Variants in AK5 observed in about 807,000 individuals in gnomAD.
The protein encoded by AK5 is adenylate kinase 5, also known as adenylate kinase isoenzyme 5.
In AK5, 27 loss-of-function variants were observed where a neutral mutation model predicts 69.5. The observed-to-expected ratio is 0.39, with a 90% CI of 0.29 to 0.54. The LOEUF (loss-of-function observed/expected upper bound fraction) is 0.54, where lower values mean the gene tolerates loss of function less well. Among genes scored for constraint, AK5 ranks in the 20% least tolerant of loss-of-function variants. The pLI is 0.71. For synonymous variants in AK5, 260 were observed against 244.4 expected (o/e 1.06, Z -0.60); for missense variants, 531 against 700.4 (o/e 0.76, Z 2.73).
rs529625301 is a variant in AK5 at position 77,379,633 on chromosome 1, TTAGG to T, written c.892-31343_892-31340del. Among the ~76,000 whole-genome samples the T allele has an allele frequency of 2.6e-5, 4 of 152,298 alleles. No homozygotes were observed. In the East Asian group the frequency reaches 7.7e-4, roughly 29 times the overall value. ...CTTAATTAGTTACTTTCTTAACATC[TTAGG>T]TAGGAATTTGGGCTTAAGCAGGGCA... On this transcript the variant is annotated intron_variant, in intron 6 of 13. Transcript: ENST00000354567.
intron 8 of AK5, among the ~76,000 whole-genome samples, chr1:77,431,385 A>G (rs1056331004): frequency 2.0e-5 from 3 of 152,184 alleles, no homozygotes; most frequent in African/African-American, 7.2e-5. Flanking sequence ...TATAGGCGCT[A>G]TACTGAGTGT....
intron 5 of AK5, among the ~76,000 whole-genome samples, chr1:77,307,985 A>G (rs552204912): frequency 6.6e-6 from 1 of 152,286 alleles, no homozygotes; most frequent in African/African-American, 2.4e-5. Flanking sequence ...CTATTCTGAC[A>G]TCTTGCTCCG....
intron 10 of AK5, among the ~76,000 whole-genome samples, chr1:77,503,159 A>G (rs895051285): frequency 1.3e-5 from 2 of 152,204 alleles, no homozygotes; most frequent in Middle Eastern, 3.2e-3. Flanking sequence ...TTTTCACCAA[A>G]GATAAAAATT....
intron 5 of AK5, 26 bp downstream of exon 5, chr1:77,297,973 A>G: frequency 1.3e-6 from 2 of 1,517,488 alleles, no homozygotes; most frequent in Non-Finnish European, 1.8e-6. Flanking sequence ...TATATTTTAA[A>G]TGAACTACTT....
intron 1 of AK5, chr1:77,282,597 G>A (rs1658123460): frequency 7.6e-7 from 1 of 1,323,152 alleles, no homozygotes; most frequent in South Asian, 2.1e-5. Flanking sequence ...CACAGATCAA[G>A]TTTCAGTCTT....
intron 8 of AK5, among the ~76,000 whole-genome samples, chr1:77,430,970 T>G (rs1451556114): frequency 6.6e-6 from 1 of 152,158 alleles, no homozygotes; most frequent in African/African-American, 2.4e-5. Flanking sequence ...AAAGTCTATC[T>G]GAATGTGGTA....
intron 11 of AK5, among the ~76,000 whole-genome samples, chr1:77,520,008 C>T (rs1033983371): frequency 1.3e-5 from 2 of 152,046 alleles, no homozygotes; most frequent in African/African-American, 4.8e-5. Flanking sequence ...TTGAGACCAG[C>T]CTGGCCAACA....
intron 5 of AK5, among the ~76,000 whole-genome samples, chr1:77,319,016 C>CA (rs1660387707): frequency 6.6e-6 from 1 of 152,020 alleles, no homozygotes; most frequent in Non-Finnish European, 1.5e-5. Context: ...GGACAAACAA[C>CA]AAAAGATAGT....
At chr1:77,523,023 T>A (rs994846369) in intron 12 of AK5, among the ~76,000 whole-genome samples, 2 of 152,190 alleles carry the variant, frequency 1.3e-5, no homozygotes, top group Non-Finnish European at 2.9e-5. Context: ...AAGTGCCAAC[T>A]GCTAGCAGGA....
At chr1:77,326,405 A>T (rs1660806975) in intron 5 of AK5, among the ~76,000 whole-genome samples, 3 of 151,942 alleles carry the variant, frequency 2.0e-5, no homozygotes, top group Non-Finnish European at 4.4e-5. Context: ...ACTTATTCCT[A>T]AAAAAAAGAT....
intron 8 of AK5, among the ~76,000 whole-genome samples, chr1:77,467,592 A>T (rs1048151508): frequency 6.6e-6 from 1 of 152,180 alleles, no homozygotes; most frequent in Admixed American, 6.5e-5. Context: ...AATATATACT[A>T]ATGTGTCAAA....
chr1:77,294,126 T>C (rs1012343740), intron 3 of AK5, among the ~76,000 whole-genome samples, 166 bp downstream of exon 3: 8 of 152,224 alleles, frequency 5.3e-5, no homozygotes, highest in Admixed American at 5.2e-4. Context: ...TAAGTTTCAA[T>C]AAAATAGAAA....
At chr1:77,347,440 G>T (rs1265507328) in intron 6 of AK5, among the ~76,000 whole-genome samples, 1 of 152,184 alleles carries the variant, frequency 6.6e-6, no homozygotes, top group Non-Finnish European at 1.5e-5. Context: ...GAAAAGTCCT[G>T]TTGCTTCCCT....
intron 8 of AK5, among the ~76,000 whole-genome samples, chr1:77,450,175 G>A (rs371726395): frequency 2.0e-5 from 3 of 152,208 alleles, no homozygotes; most frequent in East Asian, 3.9e-4. Context: ...CTTGTTGTTC[G>A]TATCACTATC....
At chr1:77,423,231 TA>T (rs55772064) in intron 8 of AK5, among the ~76,000 whole-genome samples, 2 of 132,294 alleles carry the variant, frequency 1.5e-5, no homozygotes, top group African/African-American at 5.6e-5. Flanking sequence ...AAAAAAAAAA[TA>T]AAAAAAAAAG....
intron 5 of AK5, among the ~76,000 whole-genome samples, chr1:77,324,492 C>T (rs1191743798): frequency 6.6e-6 from 1 of 152,100 alleles, no homozygotes; most frequent in Non-Finnish European, 1.5e-5. Flanking sequence ...GACTGCCTAA[C>T]CCAGTATGCT....
intron 13 of AK5, among the ~76,000 whole-genome samples, chr1:77,552,598 G>T (rs1232236068): frequency 1.3e-5 from 2 of 152,200 alleles, no homozygotes; most frequent in African/African-American, 4.8e-5. Context: ...TGCATTCAAA[G>T]GTTGTTGTAA....
chr1:77,301,951 TC>T, intron 5 of AK5, among the ~76,000 whole-genome samples: 1 of 43,688 alleles, frequency 2.3e-5, no homozygotes. Flanking sequence ...TGCTATCCTC[TC>T]CTTTTTTTTT....
At chr1:77,468,070 TG>T (rs1654252026) in intron 8 of AK5, among the ~76,000 whole-genome samples, 3 of 152,212 alleles carry the variant, frequency 2.0e-5, no homozygotes, top group African/African-American at 7.2e-5. Flanking sequence ...AGGACTGGCC[TG>T]AGGCCACTTT....
Sources: gnomAD v4.1 joint callset for allele counts (sites outside exome capture counted in the v4.1 genomes callset) on GRCh38, gnomAD v4.1.1 for gene constraint, MANE v1.5 for transcripts, NCBI Gene and HGNC (gene_info 2026-07-23, HGNC 2026-07-21) for gene names.